Variants in FBN2 observed in about 807,000 individuals in gnomAD.
The protein encoded by FBN2 is fibrillin 2.
In FBN2, 105 loss-of-function variants were observed where a neutral mutation model predicts 355.6. The observed-to-expected ratio is 0.30, with a 90% CI of 0.25 to 0.35. The LOEUF (loss-of-function observed/expected upper bound fraction) is 0.35, where lower values mean the gene tolerates loss of function less well. FBN2 is among the 10% of genes least tolerant of loss of function. The pLI is 1.00. For synonymous variants in FBN2, 1,350 were observed against 1,301.2 expected, an observed-to-expected ratio of 1.04 and a Z score of -0.81; for missense variants, 3,280 against 3,758.7, an observed-to-expected ratio of 0.87 and a Z score of 3.33.
At chr5:128,267,885 G>C (rs1031305125) in intron 62 of FBN2, among the ~76,000 whole-genome samples, 2 of 152,148 alleles carry the variant, frequency 1.3e-5, no homozygotes. Flanking sequence ...CTAAAGCACT[G>C]TTTAGGGGAA....
chr5:128,350,143 T>C (rs1751307901), intron 21 of FBN2, 138 bp from the exon 22 acceptor site: 1 of 727,436 alleles, frequency 1.4e-6, no homozygotes, highest in African/African-American at 1.7e-5. Flanking sequence ...AAGGACATCA[T>C]TGTCCCCTCT....
At chr5:128,389,990 CT>C (rs1752467773) in intron 11 of FBN2, among the ~76,000 whole-genome samples, 1 of 152,152 alleles carries the variant, frequency 6.6e-6, no homozygotes. Context: ...ACTGAGCCAT[CT>C]TGGCCTTTCT....
In FBN2 at chr5:128,280,327, AAC is replaced by A; in HGVS notation, c.7013-12_7013-11del. On this transcript the variant is annotated splice_polypyrimidine_tract_variant and intron_variant, in intron 55 of 64. Coordinates refer to ENST00000262464, the MANE Select transcript of FBN2 (RefSeq NM_001999.4). ...CTGCATTCATTTTCATCTTTAGAAA[AAC>A]AAACAATATGAATAATGAGAAAACT... 6.2e-7 allele frequency: 1 copy of A among 1,601,172 alleles called. No homozygotes were observed. Among genetic ancestry groups the A allele is most frequent in the Non-Finnish European group, 8.6e-7 (1 of 1,169,028 alleles).
rs773453872 is a variant in FBN2, at chr5:128,350,908, G to A, written c.2772C>T (p.Leu924=). 1.7e-5 allele frequency: 28 copies of A among 1,613,994 alleles called. No individual in the cohort carries two copies. The highest frequency in any genetic ancestry group is 1.9e-5 in the Non-Finnish European group (23 of 1,180,024). The part of the protein sequence containing the change: ...ATLKSECCAT[L]GAAWGSPCER... ...CACAGGGGCTCCCCCAGGCGGCTCC[G>A]AGGGTGGCACAGCATTCAGATTTCA... The change falls in exon 21 of 65, where the codon CTC becomes CTT. Residue 924 remains leucine, a synonymous_variant. Transcript: ENST00000262464.
intron 48 of FBN2, among the ~76,000 whole-genome samples, chr5:128,297,885 T>C (rs1749573458): frequency 6.6e-6 from 1 of 152,056 alleles, no homozygotes. Context: ...CATTATGACG[T>C]TAGCTGGTTA....
intron 20 of FBN2, among the ~76,000 whole-genome samples, chr5:128,352,957 G>A (rs1203473358): frequency 6.6e-6 from 1 of 152,020 alleles, no homozygotes; most frequent in Non-Finnish European, 1.5e-5. Context: ...CGGATCGCTG[G>A]AGCCCAGGAG....
chr5:128,423,876 T>C (rs1446336055), intron 7 of FBN2, among the ~76,000 whole-genome samples: 4 of 152,144 alleles, frequency 2.6e-5, no homozygotes, highest in Non-Finnish European at 5.9e-5. Context: ...GAGACGTTAG[T>C]GACAAAGGCA....
At chr5:128,298,165 G>C (rs6890068) in intron 48 of FBN2, among the ~76,000 whole-genome samples, 6,262 of 149,576 alleles carry the variant, frequency 0.042, 477 homozygotes, top group African/African-American at 0.15. Context: ...AATATTGGCC[G>C]CCACTCTCTT....
intron 45 of FBN2, among the ~76,000 whole-genome samples, chr5:128,303,911 C>T (rs991120761): frequency 6.6e-6 from 1 of 152,116 alleles, no homozygotes; most frequent in African/African-American, 2.4e-5. Flanking sequence ...TTAGGGAGTT[C>T]ATGCAAATAA....
At chr5:128,333,610 A>T (rs1236285087) in intron 31 of FBN2, among the ~76,000 whole-genome samples, 1 of 151,916 alleles carries the variant, frequency 6.6e-6, no homozygotes, top group African/African-American at 2.4e-5. Flanking sequence ...CTTATTTGAG[A>T]TTATAGAAAA....
intron 48 of FBN2, among the ~76,000 whole-genome samples, chr5:128,299,662 T>C (rs974493375): frequency 9.9e-5 from 15 of 152,172 alleles, no homozygotes; most frequent in Admixed American, 6.5e-4. Context: ...AGTGAGGCAA[T>C]GCCTCGCCCT....
chr5:128,268,929 C>A (rs1765188957), intron 62 of FBN2, among the ~76,000 whole-genome samples: 1 of 152,120 alleles, frequency 6.6e-6, no homozygotes, highest in Non-Finnish European at 1.5e-5. Context: ...ATTGAATGGG[C>A]AGAAGCTGGA....
chr5:128,283,622 CTT>C (rs1749047561), intron 55 of FBN2, among the ~76,000 whole-genome samples: 2 of 152,196 alleles, frequency 1.3e-5, no homozygotes, highest in African/African-American at 4.8e-5. Flanking sequence ...GGATCTCTCT[CTT>C]GGTGTTCTCA....
chr5:128,367,240 C>T (rs1751797443), intron 16 of FBN2, among the ~76,000 whole-genome samples: 1 of 152,116 alleles, frequency 6.6e-6, no homozygotes, highest in Non-Finnish European at 1.5e-5. Flanking sequence ...CAAATTACCC[C>T]TCCATCAGCG....
At position 128,537,355 on chromosome 5, in the gene FBN2, G is replaced by C; in HGVS notation, c.249C>G (p.Leu83=). 6.2e-7 allele frequency: 1 copy of C among 1,610,506 alleles called. No homozygotes were observed. The highest frequency in any genetic ancestry group is 8.5e-7 in the Non-Finnish European group (1 of 1,179,804). ...RVRRRGQQDV[L]RGPNVCGSRF... is the part of the protein sequence containing the mutation. ...GGAGCCGCTTGCCCACTTACCCTCG[G>C]AGCACGTCCTGCTGTCCTCGCCGGC... Residue 83 remains leucine (L), a synonymous_variant, in exon 1 of 65, where the codon CTC becomes CTG. Coordinates refer to ENST00000262464, the MANE Select transcript of FBN2 (RefSeq NM_001999.4).
intron 62 of FBN2, among the ~76,000 whole-genome samples, chr5:128,270,163 C>A (rs1765231851): frequency 6.6e-6 from 1 of 152,138 alleles, no homozygotes; most frequent in Middle Eastern, 3.2e-3. Flanking sequence ...TAAAACTGGA[C>A]CCCTTCCTTA....
At chr5:128,399,212 A>G (rs1045272422) in intron 8 of FBN2, among the ~76,000 whole-genome samples, 6 of 152,092 alleles carry the variant, frequency 3.9e-5, no homozygotes, top group African/African-American at 1.4e-4. Context: ...TAGCCATACC[A>G]CTGTGAAACT....
Position 128,303,026 on chromosome 5 carries a change from T to C in FBN2, c.5864A>G (p.Tyr1955Cys), listed in dbSNP as rs770117776. ...AAACCCTGGGTAGCACAGACAGTTA[T>C]AGGATCCAACGGTGTTTTTACAAGT... ...NGTCKNTVGSYNCLCYPGFEL... is the reference protein window; with the variant it reads ...NGTCKNTVGSCNCLCYPGFEL... The change falls in exon 46 of 65, where the codon TAT becomes TGT. Residue 1955 changes from tyrosine to cysteine, a missense_variant. Physicochemically the swap from Tyr to Cys is radical, Grantham distance 194 (BLOSUM62 -2). Around this residue, in one of 6 missense-constraint regions of FBN2, gnomAD observed 2,284 missense variants for 2,749.5 expected, o/e 0.83. Coordinates refer to ENST00000262464, the MANE Select transcript of FBN2 (RefSeq NM_001999.4). The C allele has an allele frequency of 1.9e-6, 3 of 1,612,892 alleles. No homozygotes were observed. Among genetic ancestry groups the C allele is most frequent in the South Asian group, 1.1e-5 (1 of 91,048 alleles).
intron 55 of FBN2, among the ~76,000 whole-genome samples, chr5:128,284,178 CA>C (rs1397164372): frequency 6.6e-6 from 1 of 152,084 alleles, no homozygotes; most frequent in Non-Finnish European, 1.5e-5. Flanking sequence ...TACTCTATGC[CA>C]AGCATTGTAC....
Sources: gnomAD v4.1 joint callset for allele counts (sites outside exome capture counted in the v4.1 genomes callset) on GRCh38, gnomAD v4.1.1 for gene constraint, gnomAD v4.1.1 regional missense constraint, MANE v1.5 for transcripts, NCBI Gene and HGNC (gene_info 2026-07-23, HGNC 2026-07-21) for gene names.